Variants in SIPA1L3 observed in about 807,000 individuals in gnomAD.
SIPA1L3 encodes signal induced proliferation associated 1 like 3.
Under a neutral mutation model 150.1 loss-of-function variants are expected in SIPA1L3, and 59 were observed. That is an observed-to-expected ratio of 0.39 (90% CI 0.32 to 0.49). The LOEUF is 0.49. Ranked by LOEUF, SIPA1L3 falls within the 20% of genes least tolerant of loss-of-function variation. SIPA1L3 has a pLI of 0.86. For missense variants in SIPA1L3, 2,211 were observed against 2,489.5 expected (o/e 0.89, Z 2.38); for synonymous variants, 1,070 against 1,077.6 (o/e 0.99, Z 0.14).
intron 1 of SIPA1L3, among the ~76,000 whole-genome samples, chr19:37,981,593 T>C (rs895215166): frequency 3.9e-5 from 6 of 152,098 alleles, no homozygotes; most frequent in African/African-American, 1.4e-4. Context: ...CCGGCAATTA[T>C]TATTATTCCT....
At chr19:38,072,798 A>G (rs865870248) in intron 2 of SIPA1L3, among the ~76,000 whole-genome samples, 1 of 152,252 alleles carries the variant, frequency 6.6e-6, no homozygotes. Context: ...AACTGTCCAC[A>G]TTGGAGGGCT....
chr19:38,198,211 G>A (rs1268377902), intron 18 of SIPA1L3, among the ~76,000 whole-genome samples, 178 bp from the exon 19 acceptor site: 1 of 152,176 alleles, frequency 6.6e-6, no homozygotes, highest in East Asian at 1.9e-4. Context: ...GCCAGGCCTG[G>A]CCCAGCACCC....
intron 2 of SIPA1L3, among the ~76,000 whole-genome samples, chr19:38,059,241 GCTCA>G (rs1301017171): frequency 6.7e-6 from 1 of 149,928 alleles, no homozygotes; most frequent in East Asian, 2.0e-4. Context: ...CTCAAGCTAT[GCTCA>G]CTGCCTCAGC....
rs188335489 is a variant in SIPA1L3, at chr19:38,069,011, G to A, written c.-310-12245G>A. Among the ~76,000 whole-genome samples, 265 of 152,238 alleles carry A rather than the reference G, an allele frequency of 1.7e-3. 1 individual carries two copies. The highest frequency in any genetic ancestry group is 3.4e-3 in the Middle Eastern group (1 of 294). ...CCTTATGTTTAATACCGTCATCACCGTATTATCCCTCTCCACTGCCCCGCC... is the reference window on the plus strand; with the variant it reads ...CCTTATGTTTAATACCGTCATCACCATATTATCCCTCTCCACTGCCCCGCC... On this transcript the variant is annotated intron_variant, in intron 2 of 21. Coordinates refer to ENST00000222345, the MANE Select transcript of SIPA1L3 (RefSeq NM_015073.3).
At chr19:38,156,101 G>C (rs1971944249) in intron 13 of SIPA1L3, among the ~76,000 whole-genome samples, 1 of 151,922 alleles carries the variant, frequency 6.6e-6, no homozygotes, top group Non-Finnish European at 1.5e-5. Context: ...AAAAACCAGA[G>C]ACAGTGGTTG....
At chr19:37,915,639 C>G (rs1010927559) in intron 1 of SIPA1L3, among the ~76,000 whole-genome samples, 4 of 152,100 alleles carry the variant, frequency 2.6e-5, no homozygotes. Flanking sequence ...GCCTCAGCCT[C>G]CCAAAGTGTT....
At chr19:38,128,092 T>C (rs1359655748) in intron 9 of SIPA1L3, among the ~76,000 whole-genome samples, 1 of 135,648 alleles carries the variant, frequency 7.4e-6, no homozygotes, top group Non-Finnish European at 1.5e-5. Context: ...TCTCGCTCTG[T>C]CGCCCAGGCT....
intron 10 of SIPA1L3, among the ~76,000 whole-genome samples, chr19:38,139,668 G>A (rs1026847331): frequency 6.6e-6 from 1 of 152,178 alleles, no homozygotes; most frequent in South Asian, 2.1e-4. Context: ...GTGCCAGAGC[G>A]CATCCACCTC....
In SIPA1L3 at chr19:38,082,439, G is replaced by A. The variant is rs764620408; in HGVS notation, c.874G>A (p.Gly292Ser). 11 of 1,590,824 alleles carry A rather than the reference G, an allele frequency of 6.9e-6. No homozygotes were observed. Among genetic ancestry groups the A allele is most frequent in the Admixed American group, 1.7e-5 (1 of 57,672 alleles). ...KARKKPARGLGGGDTVDSSIF... is the reference protein window; with the variant it reads ...KARKKPARGLSGGDTVDSSIF... ...CCGGAAGAAACCTGCGCGGGGCCTC[G>A]GCGGCGGGGACACGGTGGACTCGTC... The change falls in exon 3 of 22, where the codon GGC (glycine) becomes AGC (serine). Residue 292 changes from glycine (G) to serine (S), a missense_variant. By Grantham distance (56) the Gly-to-Ser change is moderately conservative (BLOSUM62 0). This residue lies in a region of SIPA1L3 where 587 missense variants were observed against 534.5 expected (regional missense o/e 1.10). Coordinates refer to ENST00000222345, the MANE Select transcript of SIPA1L3 (RefSeq NM_015073.3).
At chr19:38,123,185 G>T (rs1415034410) in intron 9 of SIPA1L3, among the ~76,000 whole-genome samples, 2 of 152,038 alleles carry the variant, frequency 1.3e-5, no homozygotes, top group Non-Finnish European at 2.9e-5. Context: ...TCCTCACTTC[G>T]CAGATGAGGA....
chr19:38,008,217 C>CTTTTTTT lies in SIPA1L3; in HGVS notation c.-378-20850_-378-20844dup, dbSNP rs35422339. On this transcript the variant is annotated intron_variant, in intron 1 of 21. Coordinates refer to ENST00000222345, the MANE Select transcript of SIPA1L3 (RefSeq NM_015073.3). ...AGAGGTGAGAAATCACCATAGGCTG[C>CTTTTTTT]TTTTTTTTTTTTTTTTTTTTTTTTT... 1.6e-4 allele frequency among the ~76,000 whole-genome samples: 8 copies of CTTTTTTT among 50,128 alleles called. 1 individual carries two copies. Among genetic ancestry groups the CTTTTTTT allele is most frequent in the Admixed American group, 9.0e-4 (3 of 3,328 alleles). 32.9% of individuals were successfully genotyped at this position (50,128 alleles called of 152,430 possible).
chr19:37,955,941 G>T (rs2145563060), intron 1 of SIPA1L3, among the ~76,000 whole-genome samples: 1 of 152,284 alleles, frequency 6.6e-6, no homozygotes, highest in South Asian at 2.1e-4. Context: ...TGGTAACTCT[G>T]TTTAAGTTTT....
intron 1 of SIPA1L3, among the ~76,000 whole-genome samples, chr19:37,999,251 C>T (rs998630196): frequency 2.0e-5 from 3 of 152,144 alleles, no homozygotes; most frequent in Non-Finnish European, 4.4e-5. Context: ...GGAGACCAAA[C>T]CCCCCAGTGA....
chr19:37,908,270 A>G (rs1382901343), intron 1 of SIPA1L3, among the ~76,000 whole-genome samples: 1 of 152,198 alleles, frequency 6.6e-6, no homozygotes, highest in Non-Finnish European at 1.5e-5. Flanking sequence ...CTCATTTACA[A>G]AATGGGATAA....
chr19:38,162,117 C>G, intron 13 of SIPA1L3, 136 bp from the exon 14 acceptor site: 1 of 711,254 alleles, frequency 1.4e-6, no homozygotes, highest in Non-Finnish European at 2.6e-6. Flanking sequence ...TTCTCTGTTA[C>G]TGAGTGTTGC....
chr19:37,923,289 T>C (rs2046472971), intron 1 of SIPA1L3, among the ~76,000 whole-genome samples: 1 of 152,206 alleles, frequency 6.6e-6, no homozygotes, highest in South Asian at 2.1e-4. Flanking sequence ...GCTCTTTTGT[T>C]GTGTGAACCT....
chr19:37,988,415 C>A (rs1967417095), intron 1 of SIPA1L3, among the ~76,000 whole-genome samples: 1 of 152,138 alleles, frequency 6.6e-6, no homozygotes, highest in South Asian at 2.1e-4. Context: ...GTGGCTCATG[C>A]CTGTAATCCC....
intron 7 of SIPA1L3, among the ~76,000 whole-genome samples, chr19:38,108,943 C>CG (rs1398668676): frequency 1.3e-5 from 2 of 151,900 alleles, no homozygotes; most frequent in African/African-American, 4.8e-5. Context: ...GAGCCGAGAT[C>CG]GCACCATTGC....
intron 4 of SIPA1L3, among the ~76,000 whole-genome samples, chr19:38,093,386 A>AG (rs1970304764): frequency 6.6e-6 from 1 of 152,150 alleles, no homozygotes; most frequent in African/African-American, 2.4e-5. Flanking sequence ...AACCTTGGGC[A>AG]CATGGCTCCT....
Sources: allele counts gnomAD v4.1 joint callset (sites outside exome capture counted in the v4.1 genomes callset), GRCh38; gene constraint gnomAD v4.1.1; regional missense constraint gnomAD v4.1.1; transcripts MANE v1.5; gene names NCBI Gene and HGNC (gene_info 2026-07-23, HGNC 2026-07-21).